FRMD4A: variants seen among roughly 807,000 people sequenced by gnomAD.
FRMD4A encodes FERM domain-containing protein 4A.
A neutral mutation model predicts 129.1 loss-of-function variants in FRMD4A; 29 were observed. The observed-to-expected ratio is 0.22, with a 90% CI of 0.17 to 0.31. FRMD4A has a LOEUF of 0.31. Among genes scored for constraint, FRMD4A ranks in the 10% least tolerant of loss-of-function variants. FRMD4A has a pLI of 1.00. For missense variants in FRMD4A, 1,272 were observed against 1,375.8 expected (o/e 0.92, Z 1.19); for synonymous variants, 634 against 571.6 (o/e 1.11, Z -1.56).
chr10:14,047,686 G>A (rs889461982), intron 2 of FRMD4A, among the ~76,000 whole-genome samples: 4 of 152,190 alleles, frequency 2.6e-5, no homozygotes, highest in East Asian at 1.9e-4. Context: ...GAAACTTCAC[G>A]TCTGCAAAGT....
At chr10:13,947,605 C>A (rs1028543184) in intron 2 of FRMD4A, among the ~76,000 whole-genome samples, 1 of 148,426 alleles carries the variant, frequency 6.7e-6, no homozygotes, top group African/African-American at 2.5e-5. Flanking sequence ...CACACACACA[C>A]GTGCACACAC....
chr10:13,787,748 C>T (rs770895177), intron 5 of FRMD4A, among the ~76,000 whole-genome samples: 10 of 150,856 alleles, frequency 6.6e-5, no homozygotes, highest in Non-Finnish European at 1.5e-4. Context: ...CCAGCCTCTT[C>T]TTCTTTTTTT....
intron 2 of FRMD4A, among the ~76,000 whole-genome samples, chr10:13,884,711 A>C (rs2094598107): frequency 6.6e-6 from 1 of 152,102 alleles, no homozygotes; most frequent in Admixed American, 6.5e-5. Context: ...GATAGACCCT[A>C]ATTCCTTTTC....
At chr10:14,137,636 G>T (rs1460554397) in intron 2 of FRMD4A, among the ~76,000 whole-genome samples, 1 of 152,148 alleles carries the variant, frequency 6.6e-6, no homozygotes, top group Non-Finnish European at 1.5e-5. Flanking sequence ...TGTTCTTGGT[G>T]AATGTAAACA....
At chr10:14,110,524 G>C (rs372612303) in intron 2 of FRMD4A, among the ~76,000 whole-genome samples, 1 of 152,016 alleles carries the variant, frequency 6.6e-6, no homozygotes, top group African/African-American at 2.4e-5. Context: ...ATAAACATTC[G>C]GGACAATGGA....
rs531542435 is a variant in FRMD4A, at chr10:14,068,863, T to A, written c.46-209951A>T. 2.0e-5 allele frequency among the ~76,000 whole-genome samples: 3 copies of A among 152,162 alleles called. No individual in the cohort carries two copies. In the East Asian group the frequency reaches 5.8e-4, roughly 29 times the overall value. ...TTATTTAGTGAGTTCATTCTCTCTC[T>A]CTCTTTCTCCCTCCCTCCCTCCCTC... On this transcript the variant is annotated intron_variant, in intron 2 of 24. Coordinates refer to ENST00000357447, the MANE Select transcript of FRMD4A (RefSeq NM_018027.5).
At chr10:13,900,811 T>C (rs767329297) in intron 2 of FRMD4A, among the ~76,000 whole-genome samples, 49 of 151,902 alleles carry the variant, frequency 3.2e-4, no homozygotes, top group Non-Finnish European at 4.7e-4. Context: ...GCAGGAGAAT[T>C]ACTTGAGCCT....
At chr10:14,243,221 T>C (rs1200038840) in intron 2 of FRMD4A, among the ~76,000 whole-genome samples, 1 of 152,190 alleles carries the variant, frequency 6.6e-6, no homozygotes. Context: ...CTCATCCAAA[T>C]TGTAATCCCC....
intron 3 of FRMD4A, among the ~76,000 whole-genome samples, chr10:13,811,206 G>A (rs1022360819): frequency 6.7e-6 from 1 of 149,542 alleles, no homozygotes; most frequent in Admixed American, 6.7e-5. Context: ...CATGATCTTC[G>A]CTCACTGCAA....
intron 2 of FRMD4A, among the ~76,000 whole-genome samples, chr10:14,033,656 G>A (rs549955405): frequency 6.6e-6 from 1 of 151,678 alleles, no homozygotes; most frequent in East Asian, 2.0e-4. Flanking sequence ...ATGGTGGCAT[G>A]TGCCTGTAAT....
intron 2 of FRMD4A, among the ~76,000 whole-genome samples, chr10:14,120,741 C>T (rs1001949705): frequency 5.9e-5 from 9 of 152,166 alleles, no homozygotes; most frequent in East Asian, 1.9e-4. Context: ...TTTGATTTTA[C>T]GTGAGTGAGA....
chr10:13,787,670 G>A (rs1260746253), intron 5 of FRMD4A, among the ~76,000 whole-genome samples: 4 of 151,808 alleles, frequency 2.6e-5, no homozygotes, highest in African/African-American at 4.8e-5. Context: ...TGTTGCCCAG[G>A]CTGGTCTTGA....
chr10:13,654,786 C>T, intron 22 of FRMD4A: 1 of 490,004 alleles, frequency 2.0e-6, no homozygotes. Flanking sequence ...ACCTGGGATC[C>T]TAGGTCCCCG....
At chr10:14,297,437 A>G (rs1247922505) in intron 2 of FRMD4A, among the ~76,000 whole-genome samples, 1 of 152,070 alleles carries the variant, frequency 6.6e-6, no homozygotes, top group Admixed American at 6.5e-5. Context: ...CCAGGGTCAA[A>G]AAGGCAGAGA....
chr10:13,845,280 C>T (rs138888916), intron 3 of FRMD4A, among the ~76,000 whole-genome samples: 50 of 152,150 alleles, frequency 3.3e-4, no homozygotes, highest in African/African-American at 1.0e-3. Context: ...TTATATATGG[C>T]GTTGGAGGGA....
At chr10:13,872,779 CTGTT>C (rs1438542742) in intron 2 of FRMD4A, among the ~76,000 whole-genome samples, 4 of 152,294 alleles carry the variant, frequency 2.6e-5, no homozygotes, top group African/African-American at 7.2e-5. Context: ...ATATTTTTGT[CTGTT>C]CGTTTGTTTG....
intron 2 of FRMD4A, among the ~76,000 whole-genome samples, chr10:14,101,652 C>T (rs1459279168): frequency 6.6e-6 from 1 of 152,098 alleles, no homozygotes; most frequent in Non-Finnish European, 1.5e-5. Context: ...CATACCTTAT[C>T]CATATTTGGA....
At chr10:14,081,746 C>A (rs1835941415) in intron 2 of FRMD4A, among the ~76,000 whole-genome samples, 1 of 152,188 alleles carries the variant, frequency 6.6e-6, no homozygotes, top group Non-Finnish European at 1.5e-5. Flanking sequence ...GGCAAGAAGT[C>A]TCGCTCTACC....
At chr10:14,143,773 C>T (rs1270529426) in intron 2 of FRMD4A, among the ~76,000 whole-genome samples, 13 of 152,020 alleles carry the variant, frequency 8.6e-5, no homozygotes, top group Non-Finnish European at 1.3e-4. Context: ...CACCATCATG[C>T]CTGGCTAACT....
Sources: gnomAD v4.1 joint callset for allele counts (sites outside exome capture counted in the v4.1 genomes callset) on GRCh38, gnomAD v4.1.1 for gene constraint, MANE v1.5 for transcripts, NCBI Gene and HGNC (gene_info 2026-07-23, HGNC 2026-07-21) for gene names.